The following INTS10 variants were observed in gnomAD, a reference collection of about 807,000 sequenced individuals.
The protein encoded by INTS10 is chromosome 8 open reading frame 35.
INTS10 carries 44 observed loss-of-function variants against 94.4 expected under a neutral mutation model. That is an observed-to-expected ratio of 0.47 (90% CI 0.37 to 0.60). INTS10 has a LOEUF of 0.60. Among genes scored for constraint, INTS10 ranks in the 20% least tolerant of loss-of-function variants. INTS10 has a pLI of 0.00. For synonymous variants in INTS10, 341 were observed against 320.7 expected (o/e 1.06, Z -0.68); for missense variants, 797 against 868.7 (o/e 0.92, Z 1.04).
At chr8:19,829,761 C>T (rs912794016) in intron 9 of INTS10, among the ~76,000 whole-genome samples, 1 of 152,124 alleles carries the variant, frequency 6.6e-6, no homozygotes, top group Non-Finnish European at 1.5e-5. Context: ...CTCTGCCTCC[C>T]GGGCTTAAGA....
intron 1 of INTS10, among the ~76,000 whole-genome samples, 163 bp downstream of exon 1, chr8:19,817,829 ACCTTGCTCCTACACCTTTCACCCG>A (rs1009451487): frequency 2.2e-4 from 25 of 113,076 alleles, no homozygotes; most frequent in Admixed American, 1.1e-4. Context: ...CCCATCCTAC[ACCTTGCTCCTACACCTTTCACCCG>A]CCTTGCTCCT....
chr8:19,844,055 G>A (rs185647710), intron 14 of INTS10, 21 bp from the exon 15 acceptor site: 4 of 1,568,720 alleles, frequency 2.5e-6, no homozygotes, highest in Admixed American at 3.9e-5. Flanking sequence ...CTTCTGTCTT[G>A]TATAAATCTT....
chr8:19,832,796 G>A (rs959226238), intron 11 of INTS10, among the ~76,000 whole-genome samples: 1 of 152,186 alleles, frequency 6.6e-6, no homozygotes, highest in Non-Finnish European at 1.5e-5. Context: ...AGGTGGTGTC[G>A]GAATGGGCAG....
At chr8:19,832,544 T>G (rs964837707) in intron 11 of INTS10, among the ~76,000 whole-genome samples, 1 of 152,292 alleles carries the variant, frequency 6.6e-6, no homozygotes, top group East Asian at 1.9e-4. Context: ...CACCCCAGCC[T>G]GGGTGACAGT....
intron 12 of INTS10, among the ~76,000 whole-genome samples, chr8:19,834,185 G>T (rs938159231): frequency 1.3e-5 from 2 of 152,134 alleles, no homozygotes; most frequent in East Asian, 1.9e-4. Context: ...AATGATAACC[G>T]TGTTGTTGTG....
In INTS10 at chr8:19,844,243, CCTTTTTT is replaced by C. The variant is rs749579756; in HGVS notation, c.1882+9_1882+15del. On this transcript the variant is annotated splice_donor_region_variant and intron_variant, in intron 15 of 16. Transcript: ENST00000397977. ...ATTTTTTCAATTACGTTACAAGTAT[CCTTTTTT>C]CTTGTTTAAGCATAACACATTCTGA... The C allele has an allele frequency of 5.7e-6, 9 of 1,591,744 alleles. No individual in the cohort carries two copies. The African/African-American group carries it at 1.2e-4, about 21-fold the overall frequency.
In INTS10 at chr8:19,818,228, C is replaced by G. The variant is rs369354065; in HGVS notation, c.130-47C>G. On this transcript the variant is annotated intron_variant, in intron 1 of 16. Coordinates refer to ENST00000397977, the MANE Select transcript of INTS10 (RefSeq NM_018142.4). Reference sequence around the variant, plus strand: ...CGAGCGATGCTGGATGAGCTGGGAGCCTTCTGGGCAGGGGTGAGTGACCAG... The same window carrying G: ...CGAGCGATGCTGGATGAGCTGGGAGGCTTCTGGGCAGGGGTGAGTGACCAG... 8.8e-6 allele frequency: 14 copies of G among 1,583,192 alleles called. No homozygotes were observed. In the African/African-American group the frequency reaches 1.6e-4, roughly 18 times the overall value.
intron 4 of INTS10, 104 bp downstream of exon 4, chr8:19,820,622 C>T: frequency 9.9e-7 from 1 of 1,008,528 alleles, no homozygotes; most frequent in Non-Finnish European, 1.4e-6. Context: ...CTGAAGAGTA[C>T]TGGTTAAGAT....
At chr8:19,822,704 C>T (rs1314714663) in intron 5 of INTS10, among the ~76,000 whole-genome samples, 184 bp downstream of exon 5, 1 of 151,918 alleles carries the variant, frequency 6.6e-6, no homozygotes, top group East Asian at 1.9e-4. Flanking sequence ...GTAATCCTAG[C>T]ACTTAAGGAG....
intron 6 of INTS10, 107 bp downstream of exon 6, chr8:19,823,548 T>C: frequency 1.2e-6 from 1 of 817,672 alleles, no homozygotes; most frequent in Non-Finnish European, 2.0e-6. Flanking sequence ...CTTACCAGTT[T>C]GGGAGTGTTT....
rs201935792 is a variant in INTS10 at position 19,831,151 on chromosome 8, T to G, written c.1294+592T>G. On this transcript the variant is annotated intron_variant, in intron 10 of 16. Coordinates refer to ENST00000397977, the MANE Select transcript of INTS10 (RefSeq NM_018142.4). ...GGAATCGGGGCCCCTTATTTTACTT[T>G]TAGCCCGTGGACATTCATCCCCTGG... 3.9e-5 allele frequency among the ~76,000 whole-genome samples: 6 copies of G among 152,332 alleles called. No individual in the cohort carries two copies. The East Asian group carries it at 5.8e-4, about 15-fold the overall frequency.
chr8:19,826,828 C>T (rs764275366), intron 9 of INTS10, among the ~76,000 whole-genome samples: 4 of 152,038 alleles, frequency 2.6e-5, no homozygotes, highest in Non-Finnish European at 4.4e-5. Flanking sequence ...TACAGGACCA[C>T]CCAAAAGGTC....
At chr8:19,831,114 T>G (rs1233471577) in intron 10 of INTS10, among the ~76,000 whole-genome samples, 1 of 152,234 alleles carries the variant, frequency 6.6e-6, no homozygotes, top group Non-Finnish European at 1.5e-5. Context: ...TAAGGTATTC[T>G]TACTACACTT....
At position 19,846,348 on chromosome 8, in the gene INTS10, G is replaced by A. The variant is rs934698573; in HGVS notation, c.1976+551G>A. On this transcript the variant is annotated intron_variant, in intron 16 of 16. Coordinates refer to ENST00000397977, the MANE Select transcript of INTS10 (RefSeq NM_018142.4). The surrounding 1 kb of genome is among the most constrained non-coding windows in gnomAD (Gnocchi z 4.2). ...CTTGGGAGGCTGAGGCAGGAGAACCGCTTGAACCCAGGAGGTGGAGGTTGC... is the reference window on the plus strand; with the variant it reads ...CTTGGGAGGCTGAGGCAGGAGAACCACTTGAACCCAGGAGGTGGAGGTTGC... Among the ~76,000 whole-genome samples the A allele has an allele frequency of 2.0e-5, 3 of 151,798 alleles. No individual in the cohort carries two copies. Among genetic ancestry groups the A allele is most frequent in the South Asian group, 2.1e-4 (1 of 4,810 alleles).
intron 13 of INTS10, among the ~76,000 whole-genome samples, chr8:19,839,180 C>A (rs1318623412): frequency 6.6e-6 from 1 of 152,084 alleles, no homozygotes; most frequent in African/African-American, 2.4e-5. Context: ...AATATCAGTT[C>A]ATGATAACAA....
In INTS10 at chr8:19,843,361, C is replaced by T. The variant is rs905980519; in HGVS notation, c.1719+434C>T. The stretch of plus-strand genomic sequence containing the variant: ...AACAGCCCAACAGTTGGGAAAGTTC[C>T]GGGACTTGAAAGAACGCCAAGGCCC... On this transcript the variant is annotated intron_variant, in intron 14 of 16. Coordinates refer to ENST00000397977, the MANE Select transcript of INTS10 (RefSeq NM_018142.4). The surrounding 1 kb of genome is among the most constrained non-coding windows in gnomAD (Gnocchi z 4.7). Among the ~76,000 whole-genome samples, 4 of 152,076 alleles carry T rather than the reference C, an allele frequency of 2.6e-5. No homozygotes were observed. Among genetic ancestry groups the T allele is most frequent in the African/African-American group, 7.2e-5 (3 of 41,428 alleles).
intron 11 of INTS10, 139 bp from the exon 12 acceptor site, chr8:19,833,030 C>T (rs2067358456): frequency 1.7e-6 from 1 of 589,658 alleles, no homozygotes; most frequent in African/African-American, 1.9e-5. Context: ...TTCTCCGTTT[C>T]TTCCTCAGAT....
At chr8:19,818,049 T>C (rs1463018415) in intron 1 of INTS10, 2 of 600,516 alleles carry the variant, frequency 3.3e-6, no homozygotes, top group Admixed American at 3.0e-5. Context: ...CCTGCGACTT[T>C]GGAAATATTA....
At chr8:19,842,809 A>G (rs781128489) in intron 13 of INTS10, 39 bp from the exon 14 acceptor site, 1 of 1,380,054 alleles carries the variant, frequency 7.2e-7, no homozygotes, top group Non-Finnish European at 1.0e-6. Flanking sequence ...TATCTTTGAT[A>G]ATAACATACA....
Sources: allele counts gnomAD v4.1 joint callset (sites outside exome capture counted in the v4.1 genomes callset), GRCh38; gene constraint gnomAD v4.1.1; non-coding constraint Gnocchi (gnomAD v3.1); transcripts MANE v1.5; gene names NCBI Gene and HGNC (gene_info 2026-07-23, HGNC 2026-07-21).